FAM13A: variants seen among roughly 807,000 people sequenced by gnomAD.
FAM13A encodes the protein protein FAM13A.
Under a neutral mutation model 129.6 loss-of-function variants are expected in FAM13A, and 76 were observed. The observed-to-expected ratio is 0.59, with a 90% CI of 0.49 to 0.71. The LOEUF is 0.71. Ranked by LOEUF, FAM13A falls within the 30% of genes least tolerant of loss-of-function variation. FAM13A has a pLI of 0.00. For missense variants in FAM13A, 1,108 were observed against 1,249.3 expected (o/e 0.89, Z 1.70); for synonymous variants, 443 against 449.9 (o/e 0.98, Z 0.20).
intron 5 of FAM13A, among the ~76,000 whole-genome samples, chr4:88,917,666 C>G (rs1399695806): frequency 6.6e-6 from 1 of 152,130 alleles, no homozygotes; most frequent in African/African-American, 2.4e-5. Context: ...ATGTGCTTAT[C>G]CCATTTTCCA....
intron 1 of FAM13A, among the ~76,000 whole-genome samples, chr4:89,043,237 C>T (rs2149163983): frequency 6.6e-6 from 1 of 152,262 alleles, no homozygotes; most frequent in South Asian, 2.1e-4. Context: ...AAAATACCTA[C>T]AGGCACACCA....
intron 13 of FAM13A, among the ~76,000 whole-genome samples, chr4:88,763,430 T>C (rs967950874): frequency 1.3e-5 from 2 of 152,158 alleles, no homozygotes; most frequent in African/African-American, 4.8e-5. Flanking sequence ...AAGTATCACG[T>C]GTGTTATAAA....
chr4:88,781,307 AG>A lies in FAM13A; in HGVS notation c.1315del (p.Asp440MetfsTer5). The A allele has an allele frequency of 6.2e-7, 1 of 1,611,822 alleles. No individual in the cohort carries two copies. The highest frequency in any genetic ancestry group is 8.5e-7 in the Non-Finnish European group (1 of 1,178,904). On this transcript the variant is annotated frameshift_variant, in exon 11 of 24. Coordinates refer to ENST00000264344, the MANE Select transcript of FAM13A (RefSeq NM_014883.4). LOFTEE classifies it high-confidence loss of function. ...KENTPSGFNH[L>X]DDCILNTQEV... ...CTGAGTATTCAAAATACAATCATCA[AG>A]GTGGTTGAACCCAGAAGGAGTATTT... is the stretch of plus-strand genomic sequence containing the variant.
At chr4:88,901,700 C>T (rs954360134) in intron 6 of FAM13A, among the ~76,000 whole-genome samples, 1 of 151,026 alleles carries the variant, frequency 6.6e-6, no homozygotes, top group Non-Finnish European at 1.5e-5. Flanking sequence ...AACTAGAGAA[C>T]CAAGAGCAAA....
intron 7 of FAM13A, among the ~76,000 whole-genome samples, chr4:88,850,284 G>C (rs919517840): frequency 6.6e-6 from 1 of 152,148 alleles, no homozygotes; most frequent in Non-Finnish European, 1.5e-5. Flanking sequence ...GCCGGGCGTG[G>C]TGGCTCATGC....
chr4:88,736,735 T>C (rs1486053171), intron 21 of FAM13A: 4 of 151,990 alleles, frequency 2.6e-5, no homozygotes, highest in Non-Finnish European at 4.4e-5. Flanking sequence ...TGGGCACAGA[T>C]TACATCTCGC....
chr4:88,911,254 T>C (rs183181062), intron 5 of FAM13A, among the ~76,000 whole-genome samples: 8 of 152,338 alleles, frequency 5.3e-5, no homozygotes, highest in Admixed American at 4.6e-4. Context: ...AAAAGTACAA[T>C]GTTGGATGAA....
chr4:88,800,331 A>T (rs1355050399), intron 8 of FAM13A, among the ~76,000 whole-genome samples: 1 of 152,180 alleles, frequency 6.6e-6, no homozygotes, highest in Non-Finnish European at 1.5e-5. Flanking sequence ...CCATAATACA[A>T]AAACCAAAAC....
At chr4:88,902,822 C>T (rs541476128) in intron 6 of FAM13A, among the ~76,000 whole-genome samples, 102 of 152,090 alleles carry the variant, frequency 6.7e-4, no homozygotes, top group African/African-American at 2.4e-3. Context: ...TCAAACTATC[C>T]CTGTTTTCAT....
chr4:89,016,218 A>G (rs964954379), intron 3 of FAM13A, among the ~76,000 whole-genome samples: 8 of 151,778 alleles, frequency 5.3e-5, no homozygotes, highest in African/African-American at 9.7e-5. Context: ...TTTACAAAGT[A>G]AAAAAAGAAA....
chr4:88,792,252 A>G (rs1423491609), intron 8 of FAM13A, among the ~76,000 whole-genome samples: 1 of 152,058 alleles, frequency 6.6e-6, no homozygotes, highest in Non-Finnish European at 1.5e-5. Flanking sequence ...AAGGTTAAAT[A>G]ACTTACCCAC....
At chr4:88,978,516 T>C (rs1761203818) in intron 4 of FAM13A, among the ~76,000 whole-genome samples, 1 of 152,222 alleles carries the variant, frequency 6.6e-6, no homozygotes, top group Non-Finnish European at 1.5e-5. Flanking sequence ...CAATTAAGGC[T>C]GGGTGCAGTG....
At chr4:88,861,264 C>T (rs1427133612) in intron 6 of FAM13A, among the ~76,000 whole-genome samples, 1 of 151,574 alleles carries the variant, frequency 6.6e-6, no homozygotes, top group Non-Finnish European at 1.5e-5. Flanking sequence ...GCCTGTAATC[C>T]CAGCTACTCA....
At chr4:88,872,427 A>C (rs1360053925) in intron 6 of FAM13A, among the ~76,000 whole-genome samples, 1 of 152,244 alleles carries the variant, frequency 6.6e-6, no homozygotes, top group Non-Finnish European at 1.5e-5. Flanking sequence ...GCTCAAAATA[A>C]AGGGATGGAG....
intron 11 of FAM13A, among the ~76,000 whole-genome samples, chr4:88,772,473 A>C (rs1162874416): frequency 1.3e-5 from 2 of 152,180 alleles, no homozygotes; most frequent in African/African-American, 4.8e-5. Context: ...CTCTCTCGTG[A>C]TCTGGTACAA....
chr4:88,872,886 G>C (rs985609311), intron 6 of FAM13A, among the ~76,000 whole-genome samples: 2 of 152,140 alleles, frequency 1.3e-5, no homozygotes, highest in South Asian at 4.1e-4. Context: ...CACATAGTTG[G>C]AAGTAAAGCA....
chr4:88,913,126 A>AG (rs1749381508), intron 5 of FAM13A, among the ~76,000 whole-genome samples: 1 of 142,626 alleles, frequency 7.0e-6, no homozygotes, highest in Non-Finnish European at 1.5e-5. Context: ...AGGAAGAAGA[A>AG]CAGGAGGAAG....
intron 7 of FAM13A, among the ~76,000 whole-genome samples, chr4:88,820,949 C>T (rs1407691845): frequency 6.6e-6 from 1 of 152,156 alleles, no homozygotes; most frequent in Non-Finnish European, 1.5e-5. Context: ...TCCCTTGGTG[C>T]TCTTAAACAG....
At chr4:88,896,331 T>G in intron 6 of FAM13A, among the ~76,000 whole-genome samples, 1 of 151,450 alleles carries the variant, frequency 6.6e-6, no homozygotes. Context: ...GATGACGAGT[T>G]AGTGGGTGCA....
Sources: allele counts gnomAD v4.1 joint callset (sites outside exome capture counted in the v4.1 genomes callset), GRCh38; gene constraint gnomAD v4.1.1; transcripts MANE v1.5; gene names NCBI Gene and HGNC (gene_info 2026-07-23, HGNC 2026-07-21).